MEGF11: variants seen among roughly 807,000 people sequenced by gnomAD.
MEGF11 encodes the protein multiple EGF like domains 11.
MEGF11 carries 126 observed loss-of-function variants against 146.6 expected under a neutral mutation model. The observed-to-expected ratio is 0.86, with a 90% confidence interval of 0.74 to 1.00. The LOEUF is 1.00. Ranked by LOEUF, MEGF11 falls within the 50% of genes least tolerant of loss-of-function variation. MEGF11 has a pLI of 0.00. For synonymous variants in MEGF11, 532 were observed against 583.4 expected (o/e 0.91, Z 1.27); for missense variants, 1,509 against 1,521.2 (o/e 0.99, Z 0.13).
At chr15:66,140,529 A>G (rs2089094635) in intron 1 of MEGF11, among the ~76,000 whole-genome samples, 1 of 152,196 alleles carries the variant, frequency 6.6e-6, no homozygotes, top group Non-Finnish European at 1.5e-5. Context: ...AGAAGGCAGG[A>G]CGCTTGCACC....
At chr15:66,058,587 T>C (rs1268477879) in intron 5 of MEGF11, among the ~76,000 whole-genome samples, 1 of 152,108 alleles carries the variant, frequency 6.6e-6, no homozygotes, top group Admixed American at 6.5e-5. Flanking sequence ...GCATCCCAGT[T>C]ATGTACTTCC....
chr15:65,936,477 C>G lies in MEGF11; in HGVS notation c.1288-5534G>C, dbSNP rs548895385. Among the ~76,000 whole-genome samples, 4 of 152,324 alleles carry G rather than the reference C, an allele frequency of 2.6e-5. No homozygotes were observed. In the East Asian group the frequency reaches 7.7e-4, roughly 29 times the overall value. On this transcript the variant is annotated intron_variant, in intron 10 of 25. Transcript: ENST00000395614. Reference sequence around the variant, plus strand: ...TGGACAGGAGCAGAAGGACTTGGCACTTTCCATATGCTTTCTCTTGTATGC... The same window carrying G: ...TGGACAGGAGCAGAAGGACTTGGCAGTTTCCATATGCTTTCTCTTGTATGC...
chr15:66,007,799 T>A (rs952266272), intron 5 of MEGF11, among the ~76,000 whole-genome samples: 4 of 152,178 alleles, frequency 2.6e-5, no homozygotes, highest in Admixed American at 2.0e-4. Flanking sequence ...ACATTCTCAT[T>A]ACCCCTTCAC....
At chr15:66,001,936 G>C (rs946113876) in intron 5 of MEGF11, among the ~76,000 whole-genome samples, 1 of 152,260 alleles carries the variant, frequency 6.6e-6, no homozygotes, top group Admixed American at 6.5e-5. Flanking sequence ...AGAGCTCTGC[G>C]GTCCTCTCCT....
chr15:66,203,867 T>C (rs1480089899), intron 1 of MEGF11, among the ~76,000 whole-genome samples: 1 of 152,234 alleles, frequency 6.6e-6, no homozygotes, highest in African/African-American at 2.4e-5. Flanking sequence ...CTTGTGATTA[T>C]TGTGATTATG....
At chr15:66,206,278 T>C (rs1318063792) in intron 1 of MEGF11, among the ~76,000 whole-genome samples, 1 of 151,978 alleles carries the variant, frequency 6.6e-6, no homozygotes, top group Admixed American at 6.5e-5. Context: ...TTCGGGGGCT[T>C]ATGGGACTAT....
At position 66,194,523 on chromosome 15, in the gene MEGF11, G is replaced by A. The variant is rs553867366; in HGVS notation, c.-9+59082C>T. ...GTCAAGAGGCTGAGACAGGAGAATC[G>A]CTTGAACCCAGGAGGCAGAGGCTGC... On this transcript the variant is annotated intron_variant, in intron 1 of 25. Coordinates refer to ENST00000395614, the MANE Select transcript of MEGF11 (RefSeq NM_001385028.1). Among the ~76,000 whole-genome samples the A allele has an allele frequency of 5.3e-5, 8 of 152,218 alleles. No individual in the cohort carries two copies. In the East Asian group the frequency reaches 1.3e-3, roughly 26 times the overall value.
rs1279715673 is a variant in MEGF11 at position 66,141,276 on chromosome 15, GTGTGTGTGTGT to G, written c.-8-12876_-8-12866del. On this transcript the variant is annotated intron_variant, in intron 1 of 25. Transcript: ENST00000395614. ...TGTGTGTGTGTGTGTGTGTGTGTGT[GTGTGTGTGTGT>G]GTGAGAGAGAGAGAGAGAGAGACAG... is the stretch of plus-strand genomic sequence containing the variant. Among the ~76,000 whole-genome samples, 65 of 134,500 alleles carry G rather than the reference GTGTGTGTGTGT, an allele frequency of 4.8e-4. 1 individual carries two copies. The highest frequency in any genetic ancestry group is 1.5e-3 in the African/African-American group (58 of 38,082). The allele number at this position is 134,500 out of a possible 152,430, so 88.2% of individuals were successfully genotyped here. A position where few individuals can be genotyped will look rare whatever the true frequency, so the allele number is the denominator to read the frequency against.
intron 1 of MEGF11, among the ~76,000 whole-genome samples, chr15:66,238,851 C>T (rs1185756255): frequency 6.6e-6 from 1 of 151,582 alleles, no homozygotes; most frequent in Non-Finnish European, 1.5e-5. Context: ...CGCCACATCG[C>T]TTGTCACCTT....
chr15:65,959,836 T>C (rs141602838), intron 9 of MEGF11, among the ~76,000 whole-genome samples: 2 of 152,346 alleles, frequency 1.3e-5, no homozygotes, highest in Admixed American at 6.5e-5. Flanking sequence ...TTAGAGGTTA[T>C]GTGACTTGCC....
chr15:65,906,669 A>G (rs1190301789), intron 23 of MEGF11: 1 of 152,378 alleles, frequency 6.6e-6, no homozygotes, highest in Admixed American at 6.5e-5. Flanking sequence ...TCCAAGGCTT[A>G]TCTGAGGGTA....
chr15:66,132,221 G>C (rs767569347), intron 1 of MEGF11, among the ~76,000 whole-genome samples: 4 of 151,900 alleles, frequency 2.6e-5, no homozygotes, highest in Non-Finnish European at 4.4e-5. Context: ...GTGGAGGCCA[G>C]TCTCTCTCTC....
Position 65,897,999 on chromosome 15 carries a change from G to A in MEGF11, c.3358C>T (p.His1120Tyr). The A allele has an allele frequency of 6.2e-7, 1 of 1,614,000 alleles. No individual in the cohort carries two copies. The highest frequency in any genetic ancestry group is 8.5e-7 in the Non-Finnish European group (1 of 1,179,864). The change falls in exon 26 of 26, where the codon CAT (histidine) becomes TAT (tyrosine). Residue 1120 changes from histidine (H) to tyrosine (Y), a missense_variant. Transcript: ENST00000395614. ...TGTCTTACTGGGAGGAGGTCATAATGACCAGGAATATGGCTGTTCCTAGGT... is the reference window on the plus strand; with the variant it reads ...TGTCTTACTGGGAGGAGGTCATAATAACCAGGAATATGGCTGTTCCTAGGT... Reference protein sequence around the residue: ...DLPRNSHIPGHYDLLPVRQSP... With the variant: ...DLPRNSHIPGYYDLLPVRQSP...
Position 66,214,030 on chromosome 15 carries a change from CTT to C in MEGF11, c.-9+39573_-9+39574del, listed in dbSNP as rs11303068. 8.6e-3 allele frequency among the ~76,000 whole-genome samples: 795 copies of C among 92,350 alleles called. 9 individuals are homozygous for C. The highest frequency in any genetic ancestry group is 0.031 in the African/African-American group (623 of 20,342). 60.6% of individuals were successfully genotyped at this position (92,350 alleles called of 152,430 possible). A position where few individuals can be genotyped will look rare whatever the true frequency, so the allele number is the denominator to read the frequency against. On this transcript the variant is annotated intron_variant, in intron 1 of 25. Coordinates refer to ENST00000395614, the MANE Select transcript of MEGF11 (RefSeq NM_001385028.1). ...AGATATGCCCAAAATGAGCCGGCCA[CTT>C]TTTTTTTTTTTTTTTTTTTTGAGAT...
intron 1 of MEGF11, among the ~76,000 whole-genome samples, chr15:66,218,979 C>CGAAAAAAAAAAAAAA (rs747064597): frequency 9.2e-5 from 8 of 86,952 alleles, no homozygotes; most frequent in African/African-American, 5.0e-4. Context: ...TATCCACAGG[C>CGAAAAAAAAAAAAAA]AAAAAAAAAA....
intron 8 of MEGF11, among the ~76,000 whole-genome samples, chr15:65,970,322 G>A (rs543084591): frequency 3.3e-5 from 5 of 152,310 alleles, no homozygotes; most frequent in Admixed American, 2.6e-4. Flanking sequence ...TCCCCCAGGT[G>A]AGCCCATTTA....
At chr15:65,955,813 C>CACACACAA (rs1193664795) in intron 10 of MEGF11, among the ~76,000 whole-genome samples, 3 of 2,100 alleles carry the variant, frequency 1.4e-3, no homozygotes, top group Admixed American at 0.024. Context: ...CACACACACA[C>CACACACAA]AATACTTTAA....
chr15:65,991,014 CA>C (rs1240074899), intron 5 of MEGF11, among the ~76,000 whole-genome samples: 2 of 152,210 alleles, frequency 1.3e-5, no homozygotes, highest in South Asian at 4.1e-4. Context: ...TCTCTTGACA[CA>C]GTCCCTAAGC....
chr15:65,907,095 G>C (rs2078651308), intron 23 of MEGF11, among the ~76,000 whole-genome samples: 1 of 152,176 alleles, frequency 6.6e-6, no homozygotes, highest in African/African-American at 2.4e-5. Context: ...CCTGCAGCAA[G>C]TACTTACTAA....
Sources: gnomAD v4.1 joint callset for allele counts (sites outside exome capture counted in the v4.1 genomes callset) on GRCh38, gnomAD v4.1.1 for gene constraint, MANE v1.5 for transcripts, NCBI Gene and HGNC (gene_info 2026-07-23, HGNC 2026-07-21) for gene names.